The following CRAT variants were observed in gnomAD, a reference collection of about 807,000 sequenced individuals.
CRAT encodes the protein carnitine acetylase.
CRAT carries 66 observed loss-of-function variants against 73.7 expected under a neutral mutation model. That is an observed-to-expected ratio of 0.90 (90% CI 0.73 to 1.10). The LOEUF (loss-of-function observed/expected upper bound fraction) is 1.10, where lower values mean the gene tolerates loss of function less well. Ranked by LOEUF, CRAT falls within the 50% of genes least tolerant of loss-of-function variation. The probability of loss-of-function intolerance (pLI) is 0.00; values close to 1 mark genes in which losing one functional copy is unlikely to be tolerated. For missense variants in CRAT, 745 were observed against 846.9 expected (o/e 0.88, Z 1.49); for synonymous variants, 321 against 343.2 (o/e 0.94, Z 0.71).
In CRAT at chr9:129,101,925, G is replaced by T; in HGVS notation, c.763C>A (p.His255Asn). The T allele has an allele frequency of 6.2e-7, 1 of 1,614,182 alleles. No individual in the cohort carries two copies. The highest frequency in any genetic ancestry group is 8.5e-7 in the Non-Finnish European group (1 of 1,180,024). ...TATGCCTTGGCCCAGGAGTTGCGGT[G>T]GTTGGAGGTGAGGATGCCCACAGGC... ...KEPVGILTSN[H>N]RNSWAKAYNT... is the part of the protein sequence containing the mutation. The change falls in exon 6 of 14, where the codon CAC (histidine) becomes AAC (asparagine). Residue 255 changes from histidine to asparagine, a missense_variant. His to Asn is a moderately conservative substitution (Grantham distance 68, BLOSUM62 1). Coordinates refer to ENST00000318080, the MANE Select transcript of CRAT (RefSeq NM_000755.5).
chr9:129,100,433 G>A (rs886989796), intron 7 of CRAT, 78 bp downstream of exon 7: 15 of 1,488,852 alleles, frequency 1.0e-5, no homozygotes, highest in African/African-American at 1.4e-5. Flanking sequence ...CGCAGGGCCG[G>A]GGACGGGCAG....
chr9:129,103,228 C>T lies in CRAT; in HGVS notation c.411-162G>A, dbSNP rs954506998. Among the ~76,000 whole-genome samples the T allele has an allele frequency of 6.6e-6, 1 of 152,076 alleles. No homozygotes were observed. The highest frequency in any genetic ancestry group is 2.4e-5 in the African/African-American group (1 of 41,392). On this transcript the variant is annotated intron_variant, in intron 3 of 13. Transcript: ENST00000318080. The surrounding 1 kb of genome is among the most constrained non-coding windows in gnomAD (Gnocchi z 4.6). ...GGAGGGGCCTGCGAGTCCCAGCTTG[C>T]CAGCCTGTGTGTGCTTCTTCATAAC...
chr9:129,103,627 T>C lies in CRAT; in HGVS notation c.410+561A>G, dbSNP rs1009554654. 6.6e-5 allele frequency among the ~76,000 whole-genome samples: 10 copies of C among 152,130 alleles called. No homozygotes were observed. Among genetic ancestry groups the C allele is most frequent in the East Asian group, 5.8e-4 (3 of 5,190 alleles). On this transcript the variant is annotated intron_variant, in intron 3 of 13. Coordinates refer to ENST00000318080, the MANE Select transcript of CRAT (RefSeq NM_000755.5). The surrounding 1 kb of genome is among the most constrained non-coding windows in gnomAD (Gnocchi z 4.6). ...TTGGGGCCGCCCCTGGATCCCACCA[T>C]GGGGACCAGTGGCTGGAGTTCCTGG...
rs1847840219 is a variant in CRAT at position 129,103,961 on chromosome 9, G to A, written c.410+227C>T. Reference sequence around the variant, plus strand: ...AAGATGTGGTGGTTAACAGCCATGAGGCTTTAGAGCTGGAGAGACCCTGCT... The same window carrying A: ...AAGATGTGGTGGTTAACAGCCATGAAGCTTTAGAGCTGGAGAGACCCTGCT... On this transcript the variant is annotated intron_variant, in intron 3 of 13. Transcript: ENST00000318080. This position sits in a 1 kb window ranked among gnomAD's most constrained non-coding sequence, Gnocchi z 4.6. Among the ~76,000 whole-genome samples, 1 of 152,202 alleles carries A rather than the reference G, an allele frequency of 6.6e-6. No homozygotes were observed. The highest frequency in any genetic ancestry group is 2.4e-5 in the African/African-American group (1 of 41,458).
Position 129,095,393 on chromosome 9 carries a change from G to A in CRAT, c.*4C>T, listed in dbSNP as rs1215044948. On this transcript the variant is annotated 3_prime_UTR_variant, in exon 14 of 14. Transcript: ENST00000318080. Reference sequence around the variant, plus strand: ...TGGCATTGGCAGGCCTGAGTCCTAGGGGCTCAGAGCTTGGCCCGGGGGTGG... The same window carrying A: ...TGGCATTGGCAGGCCTGAGTCCTAGAGGCTCAGAGCTTGGCCCGGGGGTGG... 1.2e-6 allele frequency: 2 copies of A among 1,609,328 alleles called. No individual in the cohort carries two copies. The highest frequency in any genetic ancestry group is 1.7e-6 in the Non-Finnish European group (2 of 1,179,816).
In CRAT at chr9:129,098,342, A is replaced by G; in HGVS notation, c.1235T>C (p.Met412Thr). Residue 412 changes from methionine (M) to threonine (T), a missense_variant, in exon 10 of 14, where the codon ATG becomes ACG. Met to Thr is a moderately conservative substitution (Grantham distance 81). Coordinates refer to ENST00000318080, the MANE Select transcript of CRAT (RefSeq NM_000755.5). Reference protein sequence around the residue: ...IMIQDLDITVMVFHHFGKDFP... With the variant: ...IMIQDLDITVTVFHHFGKDFP... ...GTCTTTTCCAAAATGGTGGAACACC[A>G]TCACGGTGATATCCAGGTCCTGGAT... is the stretch of plus-strand genomic sequence containing the variant. The G allele has an allele frequency of 2.5e-6, 4 of 1,613,962 alleles. No homozygotes were observed. The highest frequency in any genetic ancestry group is 1.1e-5 in the South Asian group (1 of 91,088).
chr9:129,096,778 G>A (rs1321914121), intron 12 of CRAT, among the ~76,000 whole-genome samples: 1 of 152,218 alleles, frequency 6.6e-6, no homozygotes, highest in Non-Finnish European at 1.5e-5. Flanking sequence ...CTTTAAAATG[G>A]GGATATTTGG....
At chr9:129,102,866 G>T in intron 4 of CRAT, 147 bp downstream of exon 4, 2 of 817,592 alleles carry the variant, frequency 2.4e-6, no homozygotes, top group South Asian at 1.4e-5. Context: ...GATGGGACAG[G>T]GTCACCCACC....
intron 8 of CRAT, among the ~76,000 whole-genome samples, chr9:129,099,302 C>G (rs543497966): frequency 1.3e-5 from 2 of 152,132 alleles, no homozygotes; most frequent in African/African-American, 4.8e-5. Flanking sequence ...GCCATCATGC[C>G]TGGCTAATTT....
At position 129,110,629 on chromosome 9, in the gene CRAT, C is replaced by A; in HGVS notation, c.-120G>T. On this transcript the variant is annotated 5_prime_UTR_variant, in exon 1 of 14. Transcript: ENST00000318080. The surrounding 1 kb of genome is among the most constrained non-coding windows in gnomAD (Gnocchi z 5.3). Reference sequence around the variant, plus strand: ...TGCTAGAGCCTTCGGGCCAAGGTCGCTGAGTTACAGCCGCCAGCCGGTAGA... The same window carrying A: ...TGCTAGAGCCTTCGGGCCAAGGTCGATGAGTTACAGCCGCCAGCCGGTAGA... 8.3e-7 allele frequency: 1 copy of A among 1,208,740 alleles called. No individual in the cohort carries two copies. Among genetic ancestry groups the A allele is most frequent in the South Asian group, 1.8e-5 (1 of 56,940 alleles). The allele number at this position is 1,208,740 out of a possible 1,614,324, so 74.9% of individuals were successfully genotyped here. A position where few individuals can be genotyped will look rare whatever the true frequency, so the allele number is the denominator to read the frequency against.
intron 8 of CRAT, among the ~76,000 whole-genome samples, 166 bp from the exon 9 acceptor site, chr9:129,098,816 CTTTTTT>C (rs58400805): frequency 7.8e-6 from 1 of 127,564 alleles, no homozygotes. Context: ...TTTCTTTTTT[CTTTTTT>C]TTTTTTTTTT....
chr9:129,108,656 CAGAG>C (rs1383880421), intron 1 of CRAT: 4 of 1,234,828 alleles, frequency 3.2e-6, no homozygotes, highest in South Asian at 1.3e-5. Context: ...TGAGAGGCGG[CAGAG>C]AGAGAAAGAG....
chr9:129,096,961 G>C (rs1041627792), intron 12 of CRAT, among the ~76,000 whole-genome samples: 24 of 152,042 alleles, frequency 1.6e-4, no homozygotes, highest in African/African-American at 5.8e-4. Context: ...CCAGCTACTT[G>C]GGAGGCTGAG....
chr9:129,099,832 TG>T, intron 8 of CRAT, 33 bp downstream of exon 8: 3 of 1,516,198 alleles, frequency 2.0e-6, no homozygotes, highest in Non-Finnish European at 2.7e-6. Flanking sequence ...CACTAGAAGC[TG>T]GGGAACTAGG....
At position 129,094,852 on chromosome 9, in the gene CRAT, C is replaced by T. The variant is rs1396731439; in HGVS notation, c.*545G>A. 3.1e-5 allele frequency: 5 copies of T among 160,588 alleles called. No homozygotes were observed. Among genetic ancestry groups the T allele is most frequent in the East Asian group, 3.7e-4 (2 of 5,440 alleles). The allele number at this position is 160,588 out of a possible 1,614,324, so 9.9% of individuals were successfully genotyped here. A position where few individuals can be genotyped will look rare whatever the true frequency, so the allele number is the denominator to read the frequency against. ...TCCACATTAATATCATACAGCAGGGCGGGGGCAGGAACCAAGCTGAGTGGA... is the reference window on the plus strand; with the variant it reads ...TCCACATTAATATCATACAGCAGGGTGGGGGCAGGAACCAAGCTGAGTGGA... On this transcript the variant is annotated 3_prime_UTR_variant, in exon 14 of 14. Coordinates refer to ENST00000318080, the MANE Select transcript of CRAT (RefSeq NM_000755.5).
In CRAT at chr9:129,103,049, A is replaced by G; in HGVS notation, c.428T>C (p.Ile143Thr). 1.2e-6 allele frequency: 2 copies of G among 1,614,118 alleles called. No individual in the cohort carries two copies. Among genetic ancestry groups the G allele is most frequent in the Non-Finnish European group, 1.7e-6 (2 of 1,179,970 alleles). The change falls in exon 4 of 14, where the codon ATT (isoleucine) becomes ACT (threonine). Residue 143 changes from isoleucine to threonine, a missense_variant. Physicochemically the swap from Ile to Thr is moderately conservative, Grantham distance 89. Transcript: ENST00000318080. The surrounding 1 kb of genome is among the most constrained non-coding windows in gnomAD (Gnocchi z 4.6). ...QGQLRFAAKL[I>T]EGVLDFKVMI... ...GACCTTGAAATCCAACACACCCTCA[A>G]TGAGTTTGGCAGCAAATCTGGAAAG...
intron 2 of CRAT, 99 bp from the exon 3 acceptor site, chr9:129,104,405 C>A: frequency 1.2e-6 from 1 of 855,562 alleles, no homozygotes; most frequent in East Asian, 2.6e-5. Flanking sequence ...TGCCCTCTAC[C>A]TGGCTATGGA....
intron 13 of CRAT, 85 bp downstream of exon 13, chr9:129,095,913 G>T: frequency 6.4e-7 from 1 of 1,561,786 alleles, no homozygotes; most frequent in Non-Finnish European, 8.8e-7. Flanking sequence ...GTTGGCAATG[G>T]GTCAGTGGGG....
chr9:129,098,005 C>T lies in CRAT; in HGVS notation c.1464+8G>A. The stretch of plus-strand genomic sequence containing the variant: ...CCAGCTCACCCACCCTCGCCCCAGA[C>T]CTCTCACCGTGACGCTGGAGTCATC... On this transcript the variant is annotated splice_region_variant and intron_variant, in intron 11 of 13. Coordinates refer to ENST00000318080, the MANE Select transcript of CRAT (RefSeq NM_000755.5). 1.2e-6 allele frequency: 2 copies of T among 1,612,702 alleles called. No individual in the cohort carries two copies. Among genetic ancestry groups the T allele is most frequent in the Non-Finnish European group, 1.7e-6 (2 of 1,179,608 alleles).
Sources: allele counts gnomAD v4.1 joint callset (sites outside exome capture counted in the v4.1 genomes callset), GRCh38; gene constraint gnomAD v4.1.1; non-coding constraint Gnocchi (gnomAD v3.1); transcripts MANE v1.5; gene names NCBI Gene and HGNC (gene_info 2026-07-23, HGNC 2026-07-21).